IL1RAPL2: variants seen among roughly 807,000 people sequenced by gnomAD.
IL1RAPL2 encodes the protein X-linked interleukin-1 receptor accessory protein-like 2.
In IL1RAPL2, 3 loss-of-function variants were observed where a neutral mutation model predicts 44.1. The ratio of observed to expected loss-of-function variants is 0.07; its 90% CI spans 0.03 to 0.18. The LOEUF is 0.18. Ranked by LOEUF, IL1RAPL2 falls within the 10% of genes least tolerant of loss-of-function variation. The probability of loss-of-function intolerance (pLI) is 1.00; values close to 1 mark genes in which losing one functional copy is unlikely to be tolerated. For missense variants in IL1RAPL2, 391 were observed against 496.4 expected (o/e 0.79, Z 2.02); for synonymous variants, 181 against 178.8 (o/e 1.01, Z -0.10).
intron 2 of IL1RAPL2, among the ~76,000 whole-genome samples, chrX:104,942,805 T>C (rs988904584): frequency 1.8e-5 from 2 of 111,593 alleles, no homozygotes; most frequent in African/African-American, 3.3e-5. Flanking sequence ...AGTTTGTGCC[T>C]ATTCAGTATG....
chrX:105,410,020 G>T (rs1422106703), intron 5 of IL1RAPL2, among the ~76,000 whole-genome samples: 1 of 110,805 alleles, frequency 9.0e-6, no homozygotes, highest in Non-Finnish European at 1.9e-5. Flanking sequence ...CTAGAGGTTT[G>T]GTTTGAGCAC....
chrX:105,762,418 A>G (rs1264801769), intron 10 of IL1RAPL2, among the ~76,000 whole-genome samples: 1 of 111,683 alleles, frequency 9.0e-6, no homozygotes, highest in African/African-American at 3.3e-5. Context: ...ATTCCAGAAT[A>G]TTTTCCTAAC....
intron 2 of IL1RAPL2, among the ~76,000 whole-genome samples, chrX:105,088,256 G>A (rs1047380899): frequency 1.8e-5 from 2 of 111,782 alleles, no homozygotes; most frequent in Non-Finnish European, 3.8e-5. Flanking sequence ...AGCTGGTGAT[G>A]AGTAAGACTC....
intron 6 of IL1RAPL2, among the ~76,000 whole-genome samples, chrX:105,564,783 T>C (rs1482519): frequency 0.064 from 7,145 of 111,974 alleles, 600 homozygotes; most frequent in African/African-American, 0.22. Flanking sequence ...TTCATTATTC[T>C]GGATGAGCAG....
At chrX:105,415,376 C>T (rs1010998566) in intron 5 of IL1RAPL2, among the ~76,000 whole-genome samples, 3 of 111,154 alleles carry the variant, frequency 2.7e-5, no homozygotes, top group Admixed American at 1.9e-4. Flanking sequence ...GGAAGTCAGA[C>T]TGTGCAAATA....
chrX:104,893,708 G>A (rs1398816690), intron 2 of IL1RAPL2, among the ~76,000 whole-genome samples: 6 of 111,465 alleles, frequency 5.4e-5, no homozygotes, highest in Non-Finnish European at 1.1e-4. Flanking sequence ...GTCTCTGAAT[G>A]CAGCACACTG....
At position 105,472,291 on chromosome X, in the gene IL1RAPL2, A is replaced by C. The variant is rs2036170553; in HGVS notation, c.698-12022A>C. ...AAGTTATATCAGGAGATGAATGATA[A>C]TCACAGCTGACTAAATGCTTATTCT... On this transcript the variant is annotated intron_variant, in intron 5 of 10. Coordinates refer to ENST00000372582, the MANE Select transcript of IL1RAPL2 (RefSeq NM_017416.2). 4.5e-5 allele frequency among the ~76,000 whole-genome samples: 5 copies of C among 111,862 alleles called. No homozygotes were observed. The Admixed American group carries it at 4.8e-4, about 11-fold the overall frequency.
intron 5 of IL1RAPL2, among the ~76,000 whole-genome samples, chrX:105,294,880 AACACCC>A (rs1455730775): frequency 9.0e-6 from 1 of 111,717 alleles, no homozygotes; most frequent in East Asian, 2.8e-4. Flanking sequence ...CTTAAGGTCA[AACACCC>A]TATAGTTCTG....
chrX:104,746,829 G>T (rs777623869), intron 2 of IL1RAPL2, among the ~76,000 whole-genome samples: 1 of 111,394 alleles, frequency 9.0e-6, no homozygotes, highest in African/African-American at 3.3e-5. Context: ...TGTGGCTTTC[G>T]TGCCTTGATA....
At chrX:105,314,285 GAA>G in intron 5 of IL1RAPL2, among the ~76,000 whole-genome samples, 1 of 104,591 alleles carries the variant, frequency 9.6e-6, no homozygotes, top group African/African-American at 3.4e-5. Context: ...CCATTTGCTT[GAA>G]AAAAAAAAAT....
chrX:105,017,614 A>T (rs2031206960), intron 2 of IL1RAPL2, among the ~76,000 whole-genome samples: 1 of 110,832 alleles, frequency 9.0e-6, no homozygotes, highest in African/African-American at 3.3e-5. Flanking sequence ...TTCAGTGTAC[A>T]ATTATAGTAT....
intron 2 of IL1RAPL2, among the ~76,000 whole-genome samples, chrX:104,803,342 C>T (rs1932897877): frequency 8.9e-6 from 1 of 111,948 alleles, no homozygotes; most frequent in Admixed American, 9.5e-5. Context: ...CTCAGTTTGG[C>T]AATGAATCAC....
At chrX:104,959,646 G>A (rs1334831872) in intron 2 of IL1RAPL2, among the ~76,000 whole-genome samples, 1 of 111,227 alleles carries the variant, frequency 9.0e-6, no homozygotes, top group Non-Finnish European at 1.9e-5. Flanking sequence ...TACCAATTGG[G>A]GATCACATCC....
At chrX:105,742,811 A>G (rs1434345320) in intron 8 of IL1RAPL2, among the ~76,000 whole-genome samples, 1 of 111,181 alleles carries the variant, frequency 9.0e-6, no homozygotes, top group Non-Finnish European at 1.9e-5. Context: ...CTCTTCTTAG[A>G]GATCTAGCAG....
intron 2 of IL1RAPL2, among the ~76,000 whole-genome samples, chrX:105,030,530 A>G (rs2031470503): frequency 9.0e-6 from 1 of 111,470 alleles, no homozygotes; most frequent in Non-Finnish European, 1.9e-5. Context: ...TGTTTTTGTC[A>G]GGTTTGTCAA....
chrX:105,481,106 G>A (rs778298059), intron 5 of IL1RAPL2, among the ~76,000 whole-genome samples: 7 of 111,534 alleles, frequency 6.3e-5, no homozygotes, highest in Non-Finnish European at 9.4e-5. Context: ...CATTCCCATT[G>A]GACTAGGAAC....
chrX:104,841,435 G>T (rs189520142), intron 2 of IL1RAPL2, among the ~76,000 whole-genome samples: 64 of 111,994 alleles, frequency 5.7e-4, no homozygotes, highest in African/African-American at 1.9e-3. Context: ...TCATCATGAT[G>T]CTAGCTGGTT....
chrX:105,087,394 G>A (rs770450309), intron 2 of IL1RAPL2, among the ~76,000 whole-genome samples: 2 of 111,845 alleles, frequency 1.8e-5, no homozygotes, highest in South Asian at 3.7e-4. Flanking sequence ...TATAGTAGGG[G>A]ATGTTTTCAC....
intron 1 of IL1RAPL2, among the ~76,000 whole-genome samples, chrX:104,619,923 T>C (rs1797315366): frequency 9.0e-6 from 1 of 111,707 alleles, no homozygotes; most frequent in South Asian, 3.7e-4. Flanking sequence ...TCTGGAGGAA[T>C]TGTCTACTTA....
Sources: gnomAD v4.1 joint callset for allele counts (sites outside exome capture counted in the v4.1 genomes callset) on GRCh38, gnomAD v4.1.1 for gene constraint, MANE v1.5 for transcripts, NCBI Gene and HGNC (gene_info 2026-07-23, HGNC 2026-07-21) for gene names.